The following MPP2 variants were observed in gnomAD, a reference collection of about 807,000 sequenced individuals.
MPP2 encodes the protein MAGUK p55 subfamily member 2.
In MPP2, 42 loss-of-function variants were observed where a neutral mutation model predicts 58.5. The observed-to-expected ratio is 0.72, with a 90% CI of 0.56 to 0.93. The LOEUF (loss-of-function observed/expected upper bound fraction) is 0.93, where lower values mean the gene tolerates loss of function less well. MPP2 is among the 40% of genes least tolerant of loss of function. The pLI, the probability that MPP2 is intolerant of heterozygous loss-of-function variation, is 0.00. For synonymous variants in MPP2, 300 were observed against 307.8 expected (o/e 0.97, Z 0.26); for missense variants, 632 against 760.4 (o/e 0.83, Z 1.99).
intron 3 of MPP2, among the ~76,000 whole-genome samples, chr17:43,890,891 G>T (rs2047577789): frequency 6.6e-6 from 1 of 152,126 alleles, no homozygotes; most frequent in Non-Finnish European, 1.5e-5. Context: ...GGCCATCCCG[G>T]ACCACCCAGC....
upstream of MPP2, chr17:43,907,945 G>A (rs975718180): frequency 1.4e-5 from 14 of 985,306 alleles, no homozygotes; most frequent in Admixed American, 6.1e-5. Context: ...AAAAAGAATA[G>A]GAGGACTTCA....
Position 43,880,737 on chromosome 17 carries a change from G to A in MPP2, c.1104C>T (p.Asn368=). 6.2e-7 allele frequency: 1 copy of A among 1,613,920 alleles called. No homozygotes were observed. Among genetic ancestry groups the A allele is most frequent in the Non-Finnish European group, 8.5e-7 (1 of 1,179,866 alleles). The change falls in exon 10 of 13, where the codon AAC becomes AAT. Residue 368 remains asparagine, a synonymous_variant. Coordinates refer to ENST00000269095, the MANE Select transcript of MPP2 (RefSeq NM_005374.5). The surrounding 1 kb of genome is among the most constrained non-coding windows in gnomAD (Gnocchi z 5.2). Reference sequence around the variant, plus strand: ...GATCTGGATCCCACATGATGAGCTTGTTCTTCAGGCTGCGCCGTCCCACGC... The same window carrying A: ...GATCTGGATCCCACATGATGAGCTTATTCTTCAGGCTGCGCCGTCCCACGC... The part of the protein sequence containing the change: ...AQGVGRRSLK[N]KLIMWDPDRY...
chr17:43,880,921 C>A lies in MPP2; in HGVS notation c.989-69G>T. On this transcript the variant is annotated intron_variant, in intron 9 of 12. Coordinates refer to ENST00000269095, the MANE Select transcript of MPP2 (RefSeq NM_005374.5). The surrounding 1 kb of genome is among the most constrained non-coding windows in gnomAD (Gnocchi z 5.2). The stretch of plus-strand genomic sequence containing the variant: ...GGGAGGGGCGGAGCTCTCAGGGAGG[C>A]TGAGGGCAAGAGGGCTTGGAACAGG... 1 of 1,559,066 alleles carries A rather than the reference C, an allele frequency of 6.4e-7. No homozygotes were observed.
intron 3 of MPP2, among the ~76,000 whole-genome samples, chr17:43,896,551 G>C (rs2047855367): frequency 6.6e-6 from 1 of 151,518 alleles, no homozygotes. Flanking sequence ...TCCAGCCTGG[G>C]CCTCTTTTCT....
intron 2 of MPP2, among the ~76,000 whole-genome samples, chr17:43,903,261 G>C (rs1428727347): frequency 1.4e-5 from 2 of 141,810 alleles, no homozygotes; most frequent in African/African-American, 5.3e-5. Context: ...GGGCAACAGA[G>C]GGAGACTCCA....
intron 3 of MPP2, among the ~76,000 whole-genome samples, chr17:43,889,139 T>C (rs1469178356): frequency 3.3e-5 from 5 of 152,078 alleles, no homozygotes; most frequent in Admixed American, 1.3e-4. Context: ...TTGCCCAGGC[T>C]AGTCACAAAC....
intron 2 of MPP2, chr17:43,901,510 A>G (rs2048095272): frequency 1.0e-6 from 1 of 985,362 alleles, no homozygotes; most frequent in Non-Finnish European, 1.2e-6. Context: ...AGAGGCCACC[A>G]TCAGGGTACT....
At chr17:43,893,968 T>C (rs2047712282) in intron 3 of MPP2, among the ~76,000 whole-genome samples, 1 of 152,140 alleles carries the variant, frequency 6.6e-6, no homozygotes, top group South Asian at 2.1e-4. Flanking sequence ...ATTTCATTTA[T>C]ATAAAATTTA....
intron 3 of MPP2, 74 bp downstream of exon 3, chr17:43,898,188 T>A: frequency 8.7e-7 from 1 of 1,145,526 alleles, no homozygotes; most frequent in Non-Finnish European, 1.3e-6. Flanking sequence ...AAGCCCTCTG[T>A]AGCTAATACC....
intron 3 of MPP2, among the ~76,000 whole-genome samples, chr17:43,892,855 T>C (rs970905015): frequency 1.2e-4 from 19 of 152,334 alleles, no homozygotes; most frequent in South Asian, 6.2e-4. Context: ...GTCCCAGGAC[T>C]GGGGCATTGT....
chr17:43,884,051 A>C (rs987080492), intron 3 of MPP2: 1 of 696,246 alleles, frequency 1.4e-6, no homozygotes, highest in African/African-American at 1.8e-5. Context: ...TGAATCTTTG[A>C]AAGATCATTG....
At chr17:43,899,685 A>T (rs114593747) in intron 2 of MPP2, among the ~76,000 whole-genome samples, 1,540 of 152,196 alleles carry the variant, frequency 0.01, 29 homozygotes, top group African/African-American at 0.035. Flanking sequence ...CCAAAGGCTG[A>T]GGTCACACCA....
Position 43,879,904 on chromosome 17 carries a change from C to T in MPP2, c.1231G>A (p.Val411Ile), listed in dbSNP as rs201372167. The change falls in exon 11 of 13, where the codon GTC becomes ATC. Residue 411 changes from valine (V) to isoleucine (I), a missense_variant. Val to Ile is a conservative substitution (Grantham distance 29). Coordinates refer to ENST00000269095, the MANE Select transcript of MPP2 (RefSeq NM_005374.5). The surrounding 1 kb of genome is among the most constrained non-coding windows in gnomAD (Gnocchi z 4.1). Reference protein sequence around the residue: ...FVSRGEMEADVRAGRYLEHGE... With the variant: ...FVSRGEMEADIRAGRYLEHGE... ...TGCTCCAGGTAGCGCCCAGCACGGA[C>T]GTCAGCCTCCATCTCCCCACGGGAC... is the stretch of plus-strand genomic sequence containing the variant. The T allele has an allele frequency of 3.6e-5, 58 of 1,613,962 alleles. No homozygotes were observed. Among genetic ancestry groups the T allele is most frequent in the Non-Finnish European group, 4.7e-5 (55 of 1,180,010 alleles).
chr17:43,898,838 G>C (rs1182582481), intron 2 of MPP2, among the ~76,000 whole-genome samples: 2 of 151,482 alleles, frequency 1.3e-5, no homozygotes, highest in African/African-American at 4.9e-5. Flanking sequence ...AGTGGTGTAG[G>C]TCTGTAATTC....
chr17:43,880,114 G>T lies in MPP2; in HGVS notation c.1151-130C>A. ...GTGCAGTCTGCTCCCCATCTTGCCA[G>T]CACTGCTGCCTTTGCACACACCTGC... is the stretch of plus-strand genomic sequence containing the variant. On this transcript the variant is annotated intron_variant, in intron 10 of 12. Coordinates refer to ENST00000269095, the MANE Select transcript of MPP2 (RefSeq NM_005374.5). This position sits in a 1 kb window ranked among gnomAD's most constrained non-coding sequence, Gnocchi z 5.2. The T allele has an allele frequency of 1.2e-6, 1 of 819,276 alleles. No individual in the cohort carries two copies. Among genetic ancestry groups the T allele is most frequent in the Non-Finnish European group, 2.0e-6 (1 of 511,862 alleles). The allele number at this position is 819,276 out of a possible 1,614,324, so 50.8% of individuals were successfully genotyped here. A position where few individuals can be genotyped will look rare whatever the true frequency, so the allele number is the denominator to read the frequency against.
intron 1 of MPP2, among the ~76,000 whole-genome samples, chr17:43,906,314 C>T (rs1237668878): frequency 2.6e-5 from 4 of 152,314 alleles, no homozygotes; most frequent in Middle Eastern, 3.4e-3. Context: ...GAGGGCGGGG[C>T]CTGGCTGTGT....
Position 43,877,991 on chromosome 17 carries a change from G to A in MPP2, c.1483-8C>T. 1 of 1,609,670 alleles carries A rather than the reference G, an allele frequency of 6.2e-7. No homozygotes were observed. The highest frequency in any genetic ancestry group is 8.5e-7 in the Non-Finnish European group (1 of 1,178,060). Reference sequence around the variant, plus strand: ...CCGTCTCAGGTCCGCCTCCTGCCCAGGCACAAGGGGACCTCCCTACAGTCA... The same window carrying A: ...CCGTCTCAGGTCCGCCTCCTGCCCAAGCACAAGGGGACCTCCCTACAGTCA... On this transcript the variant is annotated splice_region_variant and splice_polypyrimidine_tract_variant and intron_variant, in intron 12 of 12. Coordinates refer to ENST00000269095, the MANE Select transcript of MPP2 (RefSeq NM_005374.5).
rs777871715 is a variant in MPP2, at chr17:43,880,744, A to G, written c.1097T>C (p.Leu366Pro). The G allele has an allele frequency of 6.2e-7, 1 of 1,613,932 alleles. No homozygotes were observed. Among genetic ancestry groups the G allele is most frequent in the Non-Finnish European group, 8.5e-7 (1 of 1,179,878 alleles). ...ATCCCACATGATGAGCTTGTTCTTCAGGCTGCGCCGTCCCACGCCCTGAGC... is the reference window on the plus strand; with the variant it reads ...ATCCCACATGATGAGCTTGTTCTTCGGGCTGCGCCGTCCCACGCCCTGAGC... ...IGAQGVGRRS[L>P]KNKLIMWDPD... Residue 366 changes from leucine (L) to proline (P), a missense_variant, in exon 10 of 13, where the codon CTG becomes CCG. Coordinates refer to ENST00000269095, the MANE Select transcript of MPP2 (RefSeq NM_005374.5). The surrounding 1 kb of genome is among the most constrained non-coding windows in gnomAD (Gnocchi z 5.2).
rs2046889560 is a variant in MPP2, at chr17:43,877,331, C to T, written c.*476G>A. 1 of 153,790 alleles carries T rather than the reference C, an allele frequency of 6.5e-6. No individual in the cohort carries two copies. The highest frequency in any genetic ancestry group is 1.5e-5 in the Non-Finnish European group (1 of 68,874). The allele number at this position is 153,790 out of a possible 1,614,324, so 9.5% of individuals were successfully genotyped here. A position where few individuals can be genotyped will look rare whatever the true frequency, so the allele number is the denominator to read the frequency against. ...CCAGCGGGCCACACATTCCCCTGGT[C>T]ACACGGAAACAGCCCAAGGCCTGTT... On this transcript the variant is annotated 3_prime_UTR_variant, in exon 13 of 13. Transcript: ENST00000269095.
Sources: allele counts gnomAD v4.1 joint callset (sites outside exome capture counted in the v4.1 genomes callset), GRCh38; gene constraint gnomAD v4.1.1; non-coding constraint Gnocchi (gnomAD v3.1); transcripts MANE v1.5; gene names NCBI Gene and HGNC (gene_info 2026-07-23, HGNC 2026-07-21).